The following NXPE2 variants were observed in gnomAD, a reference collection of about 807,000 sequenced individuals.
NXPE2 encodes NXPE family member 2.
NXPE2 carries 34 observed loss-of-function variants against 34.4 expected under a neutral mutation model. The ratio of observed to expected loss-of-function variants is 0.99; its 90% confidence interval spans 0.75 to 1.31. The LOEUF (loss-of-function observed/expected upper bound fraction) is 1.31, where lower values mean the gene tolerates loss of function less well. NXPE2 is among the 40% of genes most tolerant of loss of function. The pLI is 0.00. For synonymous variants in NXPE2, 235 were observed against 231.3 expected (o/e 1.02, Z -0.15); for missense variants, 649 against 672.5 (o/e 0.97, Z 0.39).
At chr11:114,574,683 G>A in the NXPE2 span, among the ~76,000 whole-genome samples, 10 of 152,030 alleles carry the variant, frequency 6.6e-5, no homozygotes, top group Non-Finnish European at 1.0e-4. Flanking sequence ...GTAACAAACA[G>A]TGAGATTGAA....
chr11:114,731,206 T>TA, the NXPE2 span, among the ~76,000 whole-genome samples: 1 of 143,434 alleles, frequency 7.0e-6, no homozygotes, highest in Non-Finnish European at 1.6e-5. Context: ...ATATTTAAAA[T>TA]TAAAAAAATA....
chr11:114,664,476 C>T, the NXPE2 span, among the ~76,000 whole-genome samples: 9 of 152,098 alleles, frequency 5.9e-5, no homozygotes, highest in African/African-American at 1.7e-4. Flanking sequence ...TTTTACTTCA[C>T]GTAAATTGCA....
chr11:114,748,288 G>A, the NXPE2 span, among the ~76,000 whole-genome samples: 2 of 152,052 alleles, frequency 1.3e-5, no homozygotes, highest in Admixed American at 1.3e-4. Context: ...TTGTCCCCTA[G>A]TACATGCAGT....
chr11:114,677,491 AAG>A (rs1422192719), upstream of NXPE2, among the ~76,000 whole-genome samples: 1 of 152,116 alleles, frequency 6.6e-6, no homozygotes, highest in Non-Finnish European at 1.5e-5. Context: ...GGCAGAGGAG[AAG>A]AACATGTCTT....
At chr11:114,680,572 C>T (rs1306588064) in intron 2 of NXPE2, among the ~76,000 whole-genome samples, 1 of 151,976 alleles carries the variant, frequency 6.6e-6, no homozygotes, top group Non-Finnish European at 1.5e-5. Context: ...ATGCTTGTAC[C>T]TTTTAATTCA....
At chr11:114,619,550 G>A in the NXPE2 span, among the ~76,000 whole-genome samples, 1 of 150,914 alleles carries the variant, frequency 6.6e-6, no homozygotes, top group Non-Finnish European at 1.5e-5. Context: ...TGCCTTGTGG[G>A]TAACCACTGT....
the NXPE2 span, among the ~76,000 whole-genome samples, chr11:114,733,239 G>A: frequency 2.0e-5 from 3 of 152,142 alleles, no homozygotes; most frequent in African/African-American, 4.8e-5. Context: ...GACTACAGGC[G>A]CCCACCAACA....
chr11:114,627,712 G>A, the NXPE2 span, among the ~76,000 whole-genome samples: 1 of 152,086 alleles, frequency 6.6e-6, no homozygotes, highest in African/African-American at 2.4e-5. Context: ...CCAATTAAAA[G>A]ACACAGATTG....
At chr11:114,538,824 A>G in the NXPE2 span, among the ~76,000 whole-genome samples, 3 of 152,204 alleles carry the variant, frequency 2.0e-5, no homozygotes, top group South Asian at 6.2e-4. Context: ...GAACACTTTT[A>G]CATTGTTGGT....
the NXPE2 span, chr11:114,584,169 A>G: frequency 6.5e-6 from 2 of 309,846 alleles, no homozygotes; most frequent in African/African-American, 2.2e-5. Flanking sequence ...TACACCATTT[A>G]TAATGTTGCT....
the NXPE2 span, among the ~76,000 whole-genome samples, chr11:114,636,249 G>T: frequency 6.6e-6 from 1 of 151,988 alleles, no homozygotes; most frequent in Non-Finnish European, 1.5e-5. Context: ...GTTTATTTGC[G>T]TAGAGGTGTT....
the NXPE2 span, among the ~76,000 whole-genome samples, chr11:114,795,230 G>T: frequency 6.6e-6 from 1 of 152,150 alleles, no homozygotes; most frequent in Non-Finnish European, 1.5e-5. Context: ...GAGAAGGGAT[G>T]TGAAGGAAGG....
At chr11:114,671,681 T>A in the NXPE2 span, among the ~76,000 whole-genome samples, 4 of 151,882 alleles carry the variant, frequency 2.6e-5, no homozygotes, top group Non-Finnish European at 4.4e-5. Flanking sequence ...GTCAACAGAG[T>A]GTTTTATCTA....
chr11:114,491,985 A>G, the NXPE2 span, among the ~76,000 whole-genome samples: 3 of 152,128 alleles, frequency 2.0e-5, no homozygotes, highest in Non-Finnish European at 4.4e-5. Context: ...CAGGAAGGGG[A>G]ACATCACGCT....
At chr11:114,634,819 G>C in the NXPE2 span, among the ~76,000 whole-genome samples, 4 of 151,920 alleles carry the variant, frequency 2.6e-5, no homozygotes, top group African/African-American at 9.6e-5. Flanking sequence ...TTCCATTGAT[G>C]TATATCTCTG....
intron 2 of NXPE2, among the ~76,000 whole-genome samples, chr11:114,697,381 A>T (rs1395471782): frequency 2.6e-5 from 4 of 152,252 alleles, no homozygotes; most frequent in Non-Finnish European, 5.9e-5. Context: ...GTTAGGAGAC[A>T]TGTATGGAAT....
the NXPE2 span, among the ~76,000 whole-genome samples, chr11:114,662,259 G>A: frequency 2.6e-5 from 4 of 152,076 alleles, no homozygotes; most frequent in African/African-American, 9.7e-5. Context: ...GGAACTGTGA[G>A]GCCTTGAACT....
chr11:114,618,559 G>A, the NXPE2 span, among the ~76,000 whole-genome samples: 3 of 151,890 alleles, frequency 2.0e-5, no homozygotes, highest in South Asian at 6.2e-4. Context: ...CTGTTACCCA[G>A]TGGATAATAA....
the NXPE2 span, among the ~76,000 whole-genome samples, chr11:114,806,884 AATTGTC>A: frequency 1.8e-4 from 27 of 152,290 alleles, no homozygotes; most frequent in East Asian, 3.1e-3. Flanking sequence ...CAAGACACGT[AATTGTC>A]AGATTCACCA....
Sources: allele counts gnomAD v4.1 joint callset (sites outside exome capture counted in the v4.1 genomes callset), GRCh38; gene constraint gnomAD v4.1.1; transcripts MANE v1.5; gene names NCBI Gene and HGNC (gene_info 2026-07-23, HGNC 2026-07-21).